APP: variants seen among roughly 807,000 people sequenced by gnomAD.
The protein encoded by APP is amyloid beta precursor protein, also known as amyloid-beta precursor protein.
Under a neutral mutation model 101.4 loss-of-function variants are expected in APP, and 31 were observed. The observed-to-expected ratio is 0.31, with a 90% CI of 0.23 to 0.41. The LOEUF (loss-of-function observed/expected upper bound fraction) is 0.41, where lower values mean the gene tolerates loss of function less well. Among genes scored for constraint, APP ranks in the 10% least tolerant of loss-of-function variants. APP has a pLI of 1.00. For missense variants in APP, 839 were observed against 1,003.7 expected (o/e 0.84, Z 2.22); for synonymous variants, 366 against 364.4 (o/e 1.00, Z -0.05).
intron 11 of APP, among the ~76,000 whole-genome samples, chr21:25,960,924 T>C (rs2041552944): frequency 6.6e-6 from 1 of 152,194 alleles, no homozygotes; most frequent in African/African-American, 2.4e-5. Flanking sequence ...ACCTTCTTTG[T>C]TGGACGGTAG....
At chr21:26,111,932 A>C in intron 2 of APP, 47 bp downstream of exon 2, 1 of 1,608,076 alleles carries the variant, frequency 6.2e-7, no homozygotes. Flanking sequence ...TTTGAAAACA[A>C]ATGCATGTGA....
At chr21:25,979,523 G>C (rs2042345584) in intron 9 of APP, among the ~76,000 whole-genome samples, 6 of 152,162 alleles carry the variant, frequency 3.9e-5, no homozygotes, top group Admixed American at 3.9e-4. Flanking sequence ...ATTGATTTCA[G>C]GTGTCTCACA....
intron 1 of APP, among the ~76,000 whole-genome samples, chr21:26,157,148 C>G (rs1449107941): frequency 6.6e-6 from 1 of 152,136 alleles, no homozygotes; most frequent in East Asian, 1.9e-4. Context: ...CGGCTCACTG[C>G]AACCTCCGCC....
intron 5 of APP, among the ~76,000 whole-genome samples, chr21:26,035,139 A>G (rs2045044794): frequency 6.6e-6 from 1 of 151,810 alleles, no homozygotes; most frequent in African/African-American, 2.4e-5. Context: ...TTAAAAAAAA[A>G]TTAGCCAGGT....
At chr21:26,134,406 G>A (rs139503579) in intron 1 of APP, among the ~76,000 whole-genome samples, 18 of 152,266 alleles carry the variant, frequency 1.2e-4, no homozygotes, top group African/African-American at 4.3e-4. Context: ...ACTTCGTTTT[G>A]ATTCATTGCT....
At chr21:25,969,646 CCTGGGTAACACAGCGAGA>C (rs1441655358) in intron 11 of APP, among the ~76,000 whole-genome samples, 1 of 151,598 alleles carries the variant, frequency 6.6e-6, no homozygotes, top group East Asian at 2.0e-4. Context: ...TCAAGACTAG[CCTGGGTAACACAGCGAGA>C]CCCTGTCTTT....
intron 2 of APP, among the ~76,000 whole-genome samples, chr21:26,111,569 C>G (rs552502174): frequency 4.0e-5 from 6 of 151,404 alleles, no homozygotes; most frequent in African/African-American, 1.5e-4. Flanking sequence ...GACCCCATCT[C>G]TACTAAAAAT....
chr21:26,004,378 C>T (rs569036566), intron 6 of APP, among the ~76,000 whole-genome samples: 12 of 150,584 alleles, frequency 8.0e-5, no homozygotes, highest in African/African-American at 1.5e-4. Context: ...CGCCAAGCTC[C>T]GCCTCCCAGG....
At chr21:25,982,522 A>G in intron 8 of APP, 45 bp from the exon 9 acceptor site, 2 of 1,593,794 alleles carry the variant, frequency 1.3e-6, no homozygotes, top group Non-Finnish European at 1.7e-6. Context: ...AAAGCCAACA[A>G]CAACAGAATA....
Position 26,142,255 on chromosome 21 carries a change from G to C in APP, c.57+28309C>G, listed in dbSNP as rs562700578. On this transcript the variant is annotated intron_variant, in intron 1 of 17. Coordinates refer to ENST00000346798, the MANE Select transcript of APP (RefSeq NM_000484.4). The stretch of plus-strand genomic sequence containing the variant: ...GAGAAAATATCAAAGCCACCAATCT[G>C]AGCATGTTGTGGAACCAGAGAGACT... Among the ~76,000 whole-genome samples, 7 of 152,242 alleles carry C rather than the reference G, an allele frequency of 4.6e-5. No individual in the cohort carries two copies. The East Asian group carries it at 1.4e-3, about 29-fold the overall frequency.
intron 9 of APP, 26 bp downstream of exon 9, chr21:25,982,318 C>T: frequency 6.2e-7 from 1 of 1,613,142 alleles, no homozygotes; most frequent in South Asian, 1.1e-5. Flanking sequence ...TATCGTAGGG[C>T]TGAATGATGG....
chr21:25,955,873 C>A (rs900457215), intron 11 of APP, 118 bp from the exon 12 acceptor site: 26 of 1,444,984 alleles, frequency 1.8e-5, no homozygotes, highest in East Asian at 1.4e-4. Context: ...CTGTGAGTCA[C>A]CTTTTTGCAG....
chr21:26,071,676 T>C (rs1468286726), intron 3 of APP, among the ~76,000 whole-genome samples: 1 of 152,214 alleles, frequency 6.6e-6, no homozygotes, highest in Non-Finnish European at 1.5e-5. Context: ...CCCAGAACTG[T>C]GGTTTTTTGA....
chr21:26,102,496 T>C (rs2062084564), intron 2 of APP, among the ~76,000 whole-genome samples: 1 of 152,198 alleles, frequency 6.6e-6, no homozygotes, highest in Admixed American at 6.5e-5. Flanking sequence ...TCAAGGGGAA[T>C]ATTATTTTTG....
intron 14 of APP, among the ~76,000 whole-genome samples, chr21:25,908,335 A>G (rs1160273356): frequency 6.6e-6 from 1 of 152,264 alleles, no homozygotes; most frequent in African/African-American, 2.4e-5. Context: ...AAAAATGGGC[A>G]TCAGAACCTC....
At chr21:25,890,031 G>GTCCCTC in intron 17 of APP, among the ~76,000 whole-genome samples, 1 of 152,172 alleles carries the variant, frequency 6.6e-6, no homozygotes, top group Non-Finnish European at 1.5e-5. Flanking sequence ...TGATACTAAT[G>GTCCCTC]AAAACCTATC....
chr21:26,029,980 C>T (rs1394141211), intron 5 of APP, among the ~76,000 whole-genome samples: 1 of 152,090 alleles, frequency 6.6e-6, no homozygotes, highest in African/African-American at 2.4e-5. Context: ...CTGAAACAAG[C>T]AAAGAGATCC....
chr21:25,942,398 G>C (rs2040612520), intron 13 of APP: 1 of 152,136 alleles, frequency 6.6e-6, no homozygotes, highest in Admixed American at 6.5e-5. Context: ...ATGAAATCAT[G>C]CGGCTGAACG....
At chr21:26,061,788 C>A (rs2046273825) in intron 3 of APP, among the ~76,000 whole-genome samples, 1 of 152,150 alleles carries the variant, frequency 6.6e-6, no homozygotes, top group Non-Finnish European at 1.5e-5. Flanking sequence ...CTAAATGGAT[C>A]AAGATAAGCA....
Sources: allele counts gnomAD v4.1 joint callset (sites outside exome capture counted in the v4.1 genomes callset), GRCh38; gene constraint gnomAD v4.1.1; transcripts MANE v1.5; gene names NCBI Gene and HGNC (gene_info 2026-07-23, HGNC 2026-07-21).